The following ADCY8 variants were observed in gnomAD, a reference collection of about 807,000 sequenced individuals.
ADCY8 encodes adenylate cyclase 8, also known as adenylate cyclase type 8.
ADCY8 carries 51 observed loss-of-function variants against 119.7 expected under a neutral mutation model. The observed-to-expected ratio is 0.43, with a 90% CI of 0.34 to 0.54. The LOEUF (loss-of-function observed/expected upper bound fraction) is 0.54. ADCY8 is among the 20% of genes least tolerant of loss of function. The pLI, the probability that ADCY8 is intolerant of heterozygous loss-of-function variation, is 0.03. For synonymous variants in ADCY8, 665 were observed against 651.0 expected (o/e 1.02, Z -0.33); for missense variants, 1,383 against 1,598.8 (o/e 0.87, Z 2.30).
chr8:130,802,901 C>A (rs760316401), intron 14 of ADCY8, among the ~76,000 whole-genome samples: 1 of 152,228 alleles, frequency 6.6e-6, no homozygotes, highest in South Asian at 2.1e-4. Flanking sequence ...GCTCCCTCGC[C>A]CCTTGGGCCT....
intron 1 of ADCY8, among the ~76,000 whole-genome samples, chr8:131,035,473 G>A (rs1473724575): frequency 6.6e-6 from 1 of 152,140 alleles, no homozygotes; most frequent in African/African-American, 2.4e-5. Context: ...TTTGCTGATG[G>A]CAGGGAATTT....
At chr8:131,005,295 A>C (rs751757962) in intron 1 of ADCY8, among the ~76,000 whole-genome samples, 2 of 152,212 alleles carry the variant, frequency 1.3e-5, no homozygotes, top group African/African-American at 4.8e-5. Flanking sequence ...CCTGATACAC[A>C]GTAAATATCC....
intron 7 of ADCY8, among the ~76,000 whole-genome samples, chr8:130,897,578 T>G (rs1819437128): frequency 7.1e-6 from 1 of 141,154 alleles, no homozygotes; most frequent in Non-Finnish European, 1.5e-5. Flanking sequence ...TTTCCAAAAT[T>G]TAGCTGGAGC....
chr8:130,914,072 T>C (rs1409083696), intron 5 of ADCY8, among the ~76,000 whole-genome samples: 1 of 152,226 alleles, frequency 6.6e-6, no homozygotes, highest in African/African-American at 2.4e-5. Context: ...AATTGTAGCC[T>C]GAGAAAGTAA....
At chr8:131,031,952 G>C (rs1824010678) in intron 1 of ADCY8, among the ~76,000 whole-genome samples, 1 of 151,980 alleles carries the variant, frequency 6.6e-6, no homozygotes, top group South Asian at 2.1e-4. Flanking sequence ...TATTTTATAA[G>C]CAATCTTGTG....
At chr8:130,944,154 G>C (rs1157347929) in intron 3 of ADCY8, among the ~76,000 whole-genome samples, 1 of 152,212 alleles carries the variant, frequency 6.6e-6, no homozygotes, top group Non-Finnish European at 1.5e-5. Flanking sequence ...TGTGGGGCAA[G>C]CATAGTTCTC....
chr8:130,824,648 T>C (rs1411906585), intron 12 of ADCY8, among the ~76,000 whole-genome samples: 2 of 152,246 alleles, frequency 1.3e-5, no homozygotes, highest in African/African-American at 2.4e-5. Context: ...TTATTTGGCT[T>C]TGACTCTACA....
intron 9 of ADCY8, among the ~76,000 whole-genome samples, chr8:130,866,704 T>C (rs1245262604): frequency 6.6e-6 from 1 of 152,196 alleles, no homozygotes; most frequent in Non-Finnish European, 1.5e-5. Flanking sequence ...AGCAGTCTAG[T>C]AACTAAAAGC....
chr8:130,914,507 G>T (rs998584172), intron 5 of ADCY8, among the ~76,000 whole-genome samples: 2 of 151,918 alleles, frequency 1.3e-5, no homozygotes, highest in Admixed American at 1.3e-4. Context: ...TTTGTGTCTG[G>T]GATTTGACTT....
At position 130,903,735 on chromosome 8, in the gene ADCY8, A is replaced by C. The variant is rs368720818; in HGVS notation, c.1911+37T>G. On this transcript the variant is annotated intron_variant, in intron 7 of 17. Coordinates refer to ENST00000286355, the MANE Select transcript of ADCY8 (RefSeq NM_001115.3). Reference sequence around the variant, plus strand: ...GGATTGGAGATGCACACGAGCATGCATTCATGGCCAAGCAGAAGGAGGAAG... The same window carrying C: ...GGATTGGAGATGCACACGAGCATGCCTTCATGGCCAAGCAGAAGGAGGAAG... 291 of 1,606,576 alleles carry C rather than the reference A, an allele frequency of 1.8e-4. 2 individuals carry two copies. The highest frequency in any genetic ancestry group is 2.2e-4 in the Non-Finnish European group (264 of 1,176,714).
intron 17 of ADCY8, among the ~76,000 whole-genome samples, chr8:130,783,162 TACG>T (rs1192180096): frequency 6.6e-6 from 1 of 152,240 alleles, no homozygotes; most frequent in Non-Finnish European, 1.5e-5. Context: ...TGATTAATGT[TACG>T]TTGTTGCTTT....
chr8:130,797,898 G>A (rs763065518), intron 15 of ADCY8, among the ~76,000 whole-genome samples: 27 of 152,186 alleles, frequency 1.8e-4, no homozygotes, highest in Non-Finnish European at 2.8e-4. Context: ...TGAAATGCCA[G>A]GTAAGTGAGA....
At chr8:130,990,365 T>A (rs758149268) in intron 2 of ADCY8, 28 bp downstream of exon 2, 3 of 1,611,572 alleles carry the variant, frequency 1.9e-6, no homozygotes, top group Non-Finnish European at 1.7e-6. Flanking sequence ...AGGTGATAAC[T>A]AAAACACACA....
intron 1 of ADCY8, among the ~76,000 whole-genome samples, chr8:130,992,339 C>T (rs1336119701): frequency 8.0e-6 from 1 of 124,492 alleles, no homozygotes; most frequent in Non-Finnish European, 1.7e-5. Context: ...CCACCTTGAC[C>T]TCTGAAAGTG....
At chr8:130,990,825 T>C (rs544778804) in intron 1 of ADCY8, 12 of 239,344 alleles carry the variant, frequency 5.0e-5, no homozygotes, top group Admixed American at 1.6e-4. Flanking sequence ...GGGAATCTGG[T>C]TGGCTTCTTC....
chr8:130,827,688 G>A (rs1816709616), intron 12 of ADCY8, among the ~76,000 whole-genome samples: 1 of 152,146 alleles, frequency 6.6e-6, no homozygotes, highest in African/African-American at 2.4e-5. Context: ...GGCACAAGAT[G>A]ACAAGCCCAG....
chr8:131,030,492 TA>T (rs939243921), intron 1 of ADCY8, among the ~76,000 whole-genome samples: 14 of 152,312 alleles, frequency 9.2e-5, no homozygotes, highest in African/African-American at 3.4e-4. Context: ...AGGTCTGTAG[TA>T]AAAAGAGTCC....
At chr8:131,029,328 C>T (rs766330387) in intron 1 of ADCY8, among the ~76,000 whole-genome samples, 4 of 152,132 alleles carry the variant, frequency 2.6e-5, no homozygotes, top group East Asian at 1.9e-4. Context: ...ATAAAATACA[C>T]ATAAATGTAA....
chr8:130,794,476 C>G (rs953038744), intron 15 of ADCY8, among the ~76,000 whole-genome samples: 4 of 152,146 alleles, frequency 2.6e-5, no homozygotes, highest in South Asian at 4.1e-4. Context: ...GAACTCCTGA[C>G]CTCGTGATCC....
Sources: gnomAD v4.1 joint callset for allele counts (sites outside exome capture counted in the v4.1 genomes callset) on GRCh38, gnomAD v4.1.1 for gene constraint, MANE v1.5 for transcripts, NCBI Gene and HGNC (gene_info 2026-07-23, HGNC 2026-07-21) for gene names.